CFAP20DC: variants seen among roughly 807,000 people sequenced by gnomAD.
CFAP20DC encodes protein CFAP20DC.
Under a neutral mutation model 101.7 loss-of-function variants are expected in CFAP20DC, and 84 were observed. That is an observed-to-expected ratio of 0.83 (90% CI 0.69 to 0.99). CFAP20DC has a LOEUF of 0.99. CFAP20DC is among the 50% of genes least tolerant of loss of function. CFAP20DC has a pLI of 0.00. For missense variants in CFAP20DC, 1,007 were observed against 970.3 expected (o/e 1.04, Z -0.50); for synonymous variants, 359 against 351.2 (o/e 1.02, Z -0.25).
chr3:58,959,681 C>T (rs1012873651), intron 4 of CFAP20DC, among the ~76,000 whole-genome samples: 1 of 152,170 alleles, frequency 6.6e-6, no homozygotes, highest in African/African-American at 2.4e-5. Flanking sequence ...ACAGTAAATT[C>T]TGGAATCACT....
At chr3:58,836,305 A>T (rs1460878315) in intron 13 of CFAP20DC, among the ~76,000 whole-genome samples, 2 of 152,220 alleles carry the variant, frequency 1.3e-5, no homozygotes, top group Non-Finnish European at 2.9e-5. Flanking sequence ...TTAAAAGGAA[A>T]ACTGATAACT....
At chr3:58,979,632 T>C (rs999393788) in intron 4 of CFAP20DC, among the ~76,000 whole-genome samples, 5 of 152,168 alleles carry the variant, frequency 3.3e-5, no homozygotes, top group Non-Finnish European at 5.9e-5. Flanking sequence ...TGATCCTACC[T>C]TAAGCAACAG....
At chr3:58,901,256 C>T (rs1048667986) in intron 6 of CFAP20DC, among the ~76,000 whole-genome samples, 2 of 152,154 alleles carry the variant, frequency 1.3e-5, no homozygotes, top group Non-Finnish European at 2.9e-5. Context: ...CATTCATTTG[C>T]CATGTAACTC....
At chr3:58,823,458 G>A (rs373188930) in intron 14 of CFAP20DC, among the ~76,000 whole-genome samples, 3 of 152,114 alleles carry the variant, frequency 2.0e-5, no homozygotes, top group African/African-American at 7.2e-5. Context: ...TAATAGCGGC[G>A]ATTGACATTT....
chr3:59,034,437 A>G (rs1264444086), intron 4 of CFAP20DC, among the ~76,000 whole-genome samples: 1 of 152,238 alleles, frequency 6.6e-6, no homozygotes, highest in Non-Finnish European at 1.5e-5. Flanking sequence ...AGTGTGCTGT[A>G]TTCAGCAGAT....
chr3:59,023,877 T>C (rs565413152), intron 4 of CFAP20DC, among the ~76,000 whole-genome samples: 1 of 152,238 alleles, frequency 6.6e-6, no homozygotes, highest in Admixed American at 6.5e-5. Flanking sequence ...TATCAGTGGA[T>C]TTCAACCTTA....
chr3:58,811,383 C>T (rs2074616651), intron 14 of CFAP20DC, among the ~76,000 whole-genome samples: 1 of 152,030 alleles, frequency 6.6e-6, no homozygotes, highest in South Asian at 2.1e-4. Context: ...CAGAACAGAG[C>T]CCTCAGAAAT....
chr3:58,988,128 G>A (rs2092813082), intron 4 of CFAP20DC, among the ~76,000 whole-genome samples: 1 of 152,050 alleles, frequency 6.6e-6, no homozygotes, highest in Admixed American at 6.6e-5. Flanking sequence ...GGTCAAGAAT[G>A]GAAGGAAGTT....
At chr3:58,828,150 G>C (rs1235871853) in intron 14 of CFAP20DC, among the ~76,000 whole-genome samples, 1 of 152,114 alleles carries the variant, frequency 6.6e-6, no homozygotes, top group Non-Finnish European at 1.5e-5. Context: ...TGTATGCCAA[G>C]GTAAAGAGGT....
intron 14 of CFAP20DC, among the ~76,000 whole-genome samples, chr3:58,807,157 C>A (rs2107740396): frequency 6.6e-6 from 1 of 152,350 alleles, no homozygotes; most frequent in Non-Finnish European, 1.5e-5. Flanking sequence ...GACAAAAAGA[C>A]AGCAGTAACC....
At chr3:59,048,961 T>TG (rs1317458393) in intron 1 of CFAP20DC, among the ~76,000 whole-genome samples, 1 of 152,170 alleles carries the variant, frequency 6.6e-6, no homozygotes, top group Non-Finnish European at 1.5e-5. Context: ...GTGTGATCCT[T>TG]GGACCCCCTG....
intron 15 of CFAP20DC, among the ~76,000 whole-genome samples, chr3:58,768,287 A>G (rs1388807583): frequency 6.6e-6 from 1 of 152,218 alleles, no homozygotes; most frequent in Non-Finnish European, 1.5e-5. Flanking sequence ...ATTTCCTGTC[A>G]CATGGAGGAA....
chr3:58,935,737 T>C (rs568456026), intron 5 of CFAP20DC, among the ~76,000 whole-genome samples: 1 of 152,342 alleles, frequency 6.6e-6, no homozygotes, highest in East Asian at 1.9e-4. Flanking sequence ...AAGCTGAAAC[T>C]GGATCCCTTC....
chr3:58,879,933 T>C (rs1402463079), intron 7 of CFAP20DC, among the ~76,000 whole-genome samples: 1 of 152,036 alleles, frequency 6.6e-6, no homozygotes, highest in African/African-American at 2.4e-5. Flanking sequence ...AGACTTTCTT[T>C]GTTAATAATT....
chr3:59,012,847 A>G (rs2108883944), intron 4 of CFAP20DC, among the ~76,000 whole-genome samples: 1 of 152,308 alleles, frequency 6.6e-6, no homozygotes, highest in Middle Eastern at 3.4e-3. Context: ...TGTTATCACT[A>G]AAATTATTCA....
At chr3:58,884,057 C>T (rs1409369072) in intron 7 of CFAP20DC, among the ~76,000 whole-genome samples, 1 of 151,820 alleles carries the variant, frequency 6.6e-6, no homozygotes, top group East Asian at 1.9e-4. Flanking sequence ...ACGTATCCAG[C>T]TCCTCTTGAA....
intron 4 of CFAP20DC, among the ~76,000 whole-genome samples, chr3:58,985,592 T>C (rs577498240): frequency 4.6e-5 from 7 of 152,308 alleles, no homozygotes; most frequent in South Asian, 2.1e-4. Flanking sequence ...CAAACCAATA[T>C]ACTACACTAG....
At chr3:58,742,989 A>T (rs1160661096) in intron 16 of CFAP20DC, among the ~76,000 whole-genome samples, 2 of 152,258 alleles carry the variant, frequency 1.3e-5, no homozygotes, top group Non-Finnish European at 2.9e-5. Context: ...CTAATAAAAT[A>T]GAAAACTTGA....
chr3:58,952,098 G>A (rs1347491322), intron 4 of CFAP20DC, among the ~76,000 whole-genome samples: 1 of 152,022 alleles, frequency 6.6e-6, no homozygotes, highest in African/African-American at 2.4e-5. Context: ...TGGAAATTTG[G>A]GAGGAAAACC....
Sources: gnomAD v4.1 joint callset for allele counts (sites outside exome capture counted in the v4.1 genomes callset) on GRCh38, gnomAD v4.1.1 for gene constraint, MANE v1.5 for transcripts, NCBI Gene and HGNC (gene_info 2026-07-23, HGNC 2026-07-21) for gene names.